ARHGAP32: variants seen among roughly 807,000 people sequenced by gnomAD.
ARHGAP32 encodes rho GTPase-activating protein 32.
In ARHGAP32, 51 loss-of-function variants were observed where a neutral mutation model predicts 186.5. The observed-to-expected ratio is 0.27, with a 90% CI of 0.22 to 0.35. The LOEUF is 0.35. Ranked by LOEUF, ARHGAP32 falls within the 10% of genes least tolerant of loss-of-function variation. ARHGAP32 has a pLI of 1.00. For synonymous variants in ARHGAP32, 950 were observed against 964.3 expected, an observed-to-expected ratio of 0.99 and a Z score of 0.27; for missense variants, 2,186 against 2,623.5, an observed-to-expected ratio of 0.83 and a Z score of 3.64.
At chr11:129,163,970 C>T (rs1448182448) in intron 2 of ARHGAP32, among the ~76,000 whole-genome samples, 1 of 152,066 alleles carries the variant, frequency 6.6e-6, no homozygotes, top group East Asian at 1.9e-4. Flanking sequence ...GTAACTTGTT[C>T]TTCCATTGCC....
chr11:129,257,286 C>A (rs1945266589), intron 1 of ARHGAP32, among the ~76,000 whole-genome samples: 1 of 152,076 alleles, frequency 6.6e-6, no homozygotes, highest in Admixed American at 6.6e-5. Context: ...ACTTATGGCA[C>A]TAGAAGCAAT....
chr11:129,246,285 G>A (rs748496232), intron 1 of ARHGAP32, among the ~76,000 whole-genome samples: 1 of 152,070 alleles, frequency 6.6e-6, no homozygotes, highest in Non-Finnish European at 1.5e-5. Flanking sequence ...ACCCAAATGT[G>A]GCAGAACTAA....
At position 129,173,033 on chromosome 11, in the gene ARHGAP32, A is replaced by AAAAC. The variant is rs56934368; in HGVS notation, c.117-8610_117-8607dup. On this transcript the variant is annotated intron_variant, in intron 1 of 22. Transcript: ENST00000682385. Reference sequence around the variant, plus strand: ...CAAATCCAGGGGCTGTTTTTTTGAAAAAACAAACAAACAAACAAACAAACA... The same window carrying AAAAC: ...CAAATCCAGGGGCTGTTTTTTTGAAAAAACAAACAAACAAACAAACAAACAAACA... Among the ~76,000 whole-genome samples, 1,115 of 150,628 alleles carry AAAAC rather than the reference A, an allele frequency of 7.4e-3. 4 individuals carry two copies. The highest frequency in any genetic ancestry group is 0.017 in the South Asian group (81 of 4,800).
intron 15 of ARHGAP32, among the ~76,000 whole-genome samples, chr11:128,982,677 G>A (rs561228165): frequency 1.3e-5 from 2 of 151,672 alleles, no homozygotes; most frequent in African/African-American, 2.4e-5. Context: ...ACTTGAACTC[G>A]AGAGTTCAAG....
intron 1 of ARHGAP32, among the ~76,000 whole-genome samples, chr11:129,167,341 C>T (rs1943660587): frequency 6.7e-6 from 1 of 150,360 alleles, no homozygotes; most frequent in Admixed American, 6.6e-5. Flanking sequence ...AGAGAATTAC[C>T]AAATGACCAA....
chr11:129,160,958 T>C (rs1445712432), intron 2 of ARHGAP32, among the ~76,000 whole-genome samples: 2 of 152,076 alleles, frequency 1.3e-5, no homozygotes, highest in East Asian at 1.9e-4. Flanking sequence ...AAAACAGATA[T>C]ATAGACCAAT....
intron 1 of ARHGAP32, among the ~76,000 whole-genome samples, chr11:129,168,529 A>G (rs1228373543): frequency 6.6e-6 from 1 of 152,256 alleles, no homozygotes; most frequent in Non-Finnish European, 1.5e-5. Context: ...CAAAATACAT[A>G]AAGTTGAAAG....
Position 128,974,490 on chromosome 11 carries a change from AGAC to A in ARHGAP32, c.2704_2706del (p.Val902del). On this transcript the variant is annotated inframe_deletion, in exon 21 of 23. Coordinates refer to ENST00000682385, the MANE Select transcript of ARHGAP32 (RefSeq NM_001378024.1). ...CGTCCTATCTTCGGAGAGAAAGCAT[AGAC>A]GACCTTTTCAGTAAAGGAGGATGGC... 1.2e-6 allele frequency: 2 copies of A among 1,614,198 alleles called. No individual in the cohort carries two copies. Among genetic ancestry groups the A allele is most frequent in the South Asian group, 1.1e-5 (1 of 91,084 alleles).
At chr11:129,059,142 A>G (rs1449871962) in intron 10 of ARHGAP32, among the ~76,000 whole-genome samples, 1 of 152,196 alleles carries the variant, frequency 6.6e-6, no homozygotes, top group Non-Finnish European at 1.5e-5. Flanking sequence ...CTGAGAGTGA[A>G]TGTAAAAATC....
At chr11:129,150,316 G>C (rs1285796657) in intron 2 of ARHGAP32, among the ~76,000 whole-genome samples, 1 of 152,008 alleles carries the variant, frequency 6.6e-6, no homozygotes, top group African/African-American at 2.4e-5. Context: ...AAAGCTCAAA[G>C]AACACCTGAA....
In ARHGAP32 at chr11:129,022,894, T is replaced by C. The variant is rs187617412; in HGVS notation, c.1045+18034A>G. On this transcript the variant is annotated intron_variant, in intron 11 of 22. Coordinates refer to ENST00000682385, the MANE Select transcript of ARHGAP32 (RefSeq NM_001378024.1). ...TTTCTATCTTCCACTAAATGCCATA[T>C]AGCATTCTTTTTTAAAAAAAGAAAT... is the stretch of plus-strand genomic sequence containing the variant. Among the ~76,000 whole-genome samples the C allele has an allele frequency of 1.1e-4, 17 of 152,300 alleles. No homozygotes were observed. In the East Asian group the frequency reaches 2.5e-3, roughly 22 times the overall value.
rs565609451 is a variant in ARHGAP32 at position 129,222,843 on chromosome 11, C to T, written c.-5+56303G>A. Among the ~76,000 whole-genome samples, 97 of 152,240 alleles carry T rather than the reference C, an allele frequency of 6.4e-4. 1 individual carries two copies. Among genetic ancestry groups the T allele is most frequent in the African/African-American group, 1.7e-3 (71 of 41,554 alleles). On this transcript the variant is annotated intron_variant, in intron 1 of 6. Transcript: ENST00000525234. Reference sequence around the variant, plus strand: ...GATCTTACTAAAATGCAGATTCTGACTGAGTATGGCTGGAGTCGGGAGATG... The same window carrying T: ...GATCTTACTAAAATGCAGATTCTGATTGAGTATGGCTGGAGTCGGGAGATG...
At chr11:129,186,350 T>C in intron 1 of ARHGAP32, among the ~76,000 whole-genome samples, 1 of 152,152 alleles carries the variant, frequency 6.6e-6, no homozygotes, top group Admixed American at 6.6e-5. Flanking sequence ...AAGAAAGTCT[T>C]GTACTGGCAT....
rs149277814 is a variant in ARHGAP32 at position 128,966,576 on chromosome 11, C to T, written c.*2331G>A. On this transcript the variant is annotated 3_prime_UTR_variant, in exon 23 of 23. Coordinates refer to ENST00000682385, the MANE Select transcript of ARHGAP32 (RefSeq NM_001378024.1). ...AATATTTACCTGATATTTCTAAACCCACAGGACATTTATTAATAAAGAAAT... is the reference window on the plus strand; with the variant it reads ...AATATTTACCTGATATTTCTAAACCTACAGGACATTTATTAATAAAGAAAT... The T allele has an allele frequency of 6.6e-6, 1 of 152,270 alleles. No individual in the cohort carries two copies. Among genetic ancestry groups the T allele is most frequent in the Non-Finnish European group, 1.5e-5 (1 of 68,018 alleles). 9.4% of individuals were successfully genotyped at this position (152,270 alleles called of 1,614,324 possible). A position where few individuals can be genotyped will look rare whatever the true frequency, so the allele number is the denominator to read the frequency against.
chr11:129,179,772 C>T (rs1157202950), intron 1 of ARHGAP32, among the ~76,000 whole-genome samples: 5 of 148,716 alleles, frequency 3.4e-5, no homozygotes, highest in African/African-American at 7.4e-5. Context: ...GGAAGGGGAA[C>T]ATCACACTCT....
chr11:128,965,845 T>C lies in ARHGAP32; in HGVS notation c.*3062A>G, dbSNP rs760774301. 10 of 152,182 alleles carry C rather than the reference T, an allele frequency of 6.6e-5. No individual in the cohort carries two copies. Among genetic ancestry groups the C allele is most frequent in the Non-Finnish European group, 1.3e-4 (9 of 68,038 alleles). 9.4% of individuals were successfully genotyped at this position (152,182 alleles called of 1,614,324 possible). The stretch of plus-strand genomic sequence containing the variant: ...CGTTTGCATCTATTACTGCTCCAAA[T>C]GTGGTAACCTACTCCTCCGTCCCCA... On this transcript the variant is annotated 3_prime_UTR_variant, in exon 23 of 23. Coordinates refer to ENST00000682385, the MANE Select transcript of ARHGAP32 (RefSeq NM_001378024.1).
chr11:129,072,009 T>C (rs1435412869), intron 6 of ARHGAP32, among the ~76,000 whole-genome samples: 2 of 152,084 alleles, frequency 1.3e-5, no homozygotes, highest in Non-Finnish European at 2.9e-5. Flanking sequence ...ATCAACTGAA[T>C]TCATAGAAGC....
intron 11 of ARHGAP32, among the ~76,000 whole-genome samples, chr11:129,013,448 T>G (rs746647277): frequency 6.6e-6 from 1 of 152,220 alleles, no homozygotes; most frequent in African/African-American, 2.4e-5. Flanking sequence ...AGTCATAAAG[T>G]CTTACGTGAT....
intron 11 of ARHGAP32, among the ~76,000 whole-genome samples, chr11:129,004,245 C>CTTTTTT (rs71057919): frequency 3.4e-5 from 4 of 116,366 alleles, no homozygotes; most frequent in Non-Finnish European, 6.9e-5. Context: ...CAATGCTTTC[C>CTTTTTT]TTTTTTTTTT....
Sources: allele counts gnomAD v4.1 joint callset (sites outside exome capture counted in the v4.1 genomes callset), GRCh38; gene constraint gnomAD v4.1.1; transcripts MANE v1.5; gene names NCBI Gene and HGNC (gene_info 2026-07-23, HGNC 2026-07-21).